The following SLC2A13 variants were observed in gnomAD, a reference collection of about 807,000 sequenced individuals.
SLC2A13 encodes the protein solute carrier family 2 member 13.
In SLC2A13, 32 loss-of-function variants were observed where a neutral mutation model predicts 64.4. That is an observed-to-expected ratio of 0.50 (90% confidence interval 0.37 to 0.67). SLC2A13 has a LOEUF of 0.67. SLC2A13 is among the 30% of genes least tolerant of loss of function. The pLI, the probability that SLC2A13 is intolerant of heterozygous loss-of-function variation, is 0.00. For synonymous variants in SLC2A13, 338 were observed against 327.1 expected, an observed-to-expected ratio of 1.03 and a Z score of -0.36; for missense variants, 743 against 829.2, an observed-to-expected ratio of 0.90 and a Z score of 1.28.
chr12:39,884,815 G>A (rs1028322016), intron 4 of SLC2A13, among the ~76,000 whole-genome samples: 1 of 152,136 alleles, frequency 6.6e-6, no homozygotes, highest in Non-Finnish European at 1.5e-5. Context: ...CATGTCCCAA[G>A]ATTGAAAACA....
rs1283150685 is a variant in SLC2A13, at chr12:39,760,973, C to CACACACACACACACACACACACACACAT, written c.1721-722_1721-721insATGTGTGTGTGTGTGTGTGTGTGTGTGT. Among the ~76,000 whole-genome samples, 47 of 151,326 alleles carry CACACACACACACACACACACACACACAT rather than the reference C, an allele frequency of 3.1e-4. 3 individuals carry two copies. In the South Asian group the frequency reaches 7.2e-3, roughly 23 times the overall value. On this transcript the variant is annotated intron_variant, in intron 9 of 9. Coordinates refer to ENST00000280871, the MANE Select transcript of SLC2A13 (RefSeq NM_052885.4). ...TACCAAACACACACACACACACACA[C>CACACACACACACACACACACACACACAT]ATAATTGAATTGCCAATTTGAATAT... is the stretch of plus-strand genomic sequence containing the variant.
Position 39,822,174 on chromosome 12 carries a change from G to T in SLC2A13, c.1445+7929C>A, listed in dbSNP as rs542422527. On this transcript the variant is annotated intron_variant, in intron 7 of 9. Coordinates refer to ENST00000280871, the MANE Select transcript of SLC2A13 (RefSeq NM_052885.4). ...TATGAGTGAGAATATGCGGTGTTTG[G>T]TTTTTTCTTCTTGCGATAGTTTACT... 2.0e-5 allele frequency among the ~76,000 whole-genome samples: 3 copies of T among 149,464 alleles called. No individual in the cohort carries two copies. In the East Asian group the frequency reaches 6.0e-4, roughly 30 times the overall value.
In SLC2A13 at chr12:40,094,969, C is replaced by T. The variant is rs908842653; in HGVS notation, c.556+10284G>A. On this transcript the variant is annotated intron_variant, in intron 1 of 9. Coordinates refer to ENST00000280871, the MANE Select transcript of SLC2A13 (RefSeq NM_052885.4). ...CCAGGCAGGAACAGCTGAGGAAACC[C>T]AAAAGAGAGGAGGGAGTGTGGAATG... 2.0e-5 allele frequency among the ~76,000 whole-genome samples: 3 copies of T among 152,122 alleles called. No individual in the cohort carries two copies. In the South Asian group the frequency reaches 6.2e-4, roughly 32 times the overall value.
intron 7 of SLC2A13, chr12:39,829,589 T>C (rs1405240342): frequency 6.3e-6 from 1 of 158,910 alleles, no homozygotes; most frequent in Admixed American, 6.0e-5. Context: ...AATTTTTGTA[T>C]TTTTGTAGAG....
intron 4 of SLC2A13, among the ~76,000 whole-genome samples, chr12:39,940,355 C>T (rs1945998333): frequency 6.6e-6 from 1 of 151,470 alleles, no homozygotes; most frequent in Non-Finnish European, 1.5e-5. Context: ...TTCTTCTCTA[C>T]ATTTATCACC....
intron 7 of SLC2A13, among the ~76,000 whole-genome samples, chr12:39,776,064 C>G (rs1372353132): frequency 6.6e-6 from 1 of 152,164 alleles, no homozygotes; most frequent in African/African-American, 2.4e-5. Context: ...AGTTTAGTGA[C>G]TCATAGACAG....
intron 4 of SLC2A13, among the ~76,000 whole-genome samples, chr12:39,877,566 CTA>C (rs1420981093): frequency 1.3e-5 from 2 of 152,116 alleles, no homozygotes; most frequent in Admixed American, 1.3e-4. Context: ...TAGGCAATAA[CTA>C]TATTCTCTTT....
intron 4 of SLC2A13, among the ~76,000 whole-genome samples, chr12:39,881,717 T>G (rs1354136093): frequency 6.6e-6 from 1 of 152,192 alleles, no homozygotes; most frequent in African/African-American, 2.4e-5. Context: ...ATCCAGAGGC[T>G]AGGCTGTTTT....
At chr12:39,910,749 T>C (rs938516130) in intron 4 of SLC2A13, among the ~76,000 whole-genome samples, 2 of 152,002 alleles carry the variant, frequency 1.3e-5, no homozygotes, top group Admixed American at 6.6e-5. Context: ...AATTAATTGG[T>C]TAGGCAAAGG....
chr12:40,028,846 T>C (rs1364264912), intron 2 of SLC2A13, among the ~76,000 whole-genome samples: 3 of 152,244 alleles, frequency 2.0e-5, no homozygotes, highest in African/African-American at 4.8e-5. Context: ...GGCTAACATA[T>C]GTAATTTTGT....
At chr12:40,034,698 G>T (rs1407081984) in intron 2 of SLC2A13, among the ~76,000 whole-genome samples, 2 of 152,034 alleles carry the variant, frequency 1.3e-5, no homozygotes, top group Admixed American at 6.6e-5. Flanking sequence ...CTTCAAGTTG[G>T]TATTCTTTCA....
intron 4 of SLC2A13, 95 bp from the exon 5 acceptor site, chr12:39,872,056 A>G (rs754025609): frequency 1.8e-4 from 199 of 1,095,514 alleles, no homozygotes; most frequent in Non-Finnish European, 2.4e-4. Context: ...TGAAAAAAAT[A>G]TAAGGAGAAC....
At chr12:40,046,071 C>T (rs1302080281) in intron 2 of SLC2A13, among the ~76,000 whole-genome samples, 4 of 152,314 alleles carry the variant, frequency 2.6e-5, no homozygotes, top group South Asian at 4.1e-4. Context: ...CATTTATTAT[C>T]TGCCATGTGC....
intron 3 of SLC2A13, among the ~76,000 whole-genome samples, chr12:39,970,105 G>A (rs1008898071): frequency 5.3e-5 from 8 of 152,170 alleles, no homozygotes; most frequent in African/African-American, 1.9e-4. Context: ...AGATCAGATG[G>A]TTGTAGATGT....
chr12:39,798,742 C>A (rs1340628917), intron 7 of SLC2A13, among the ~76,000 whole-genome samples: 2 of 152,080 alleles, frequency 1.3e-5, no homozygotes, highest in African/African-American at 4.8e-5. Context: ...TCTCATGACA[C>A]TTTTGGAAAC....
chr12:39,927,008 T>C (rs188970472), intron 4 of SLC2A13, among the ~76,000 whole-genome samples: 30 of 152,290 alleles, frequency 2.0e-4, no homozygotes, highest in Non-Finnish European at 4.1e-4. Context: ...GGACAATTGA[T>C]AAAGCAATCC....
intron 4 of SLC2A13, among the ~76,000 whole-genome samples, chr12:39,891,631 A>G (rs998806290): frequency 2.0e-5 from 3 of 152,158 alleles, no homozygotes; most frequent in African/African-American, 4.8e-5. Flanking sequence ...TCTGCAGCCT[A>G]TTACTGCTGA....
At position 40,052,127 on chromosome 12, in the gene SLC2A13, T is replaced by C. The variant is rs181895168; in HGVS notation, c.557-3917A>G. On this transcript the variant is annotated intron_variant, in intron 1 of 9. Coordinates refer to ENST00000280871, the MANE Select transcript of SLC2A13 (RefSeq NM_052885.4). ...GCATGATGGGCACTTTGTACAAAGA[T>C]AGGGAGGGAAAAAATGAAGTTTGAG... 1.4e-3 allele frequency among the ~76,000 whole-genome samples: 208 copies of C among 152,138 alleles called. 1 individual carries two copies. Among genetic ancestry groups the C allele is most frequent in the African/African-American group, 4.8e-3 (198 of 41,492 alleles).
In SLC2A13 at chr12:40,105,944, A is replaced by G; in HGVS notation, c.-136T>C. The G allele has an allele frequency of 1.8e-6, 2 of 1,104,922 alleles. No individual in the cohort carries two copies. Among genetic ancestry groups the G allele is most frequent in the Non-Finnish European group, 2.3e-6 (2 of 857,856 alleles). The allele number at this position is 1,104,922 out of a possible 1,614,324, so 68.4% of individuals were successfully genotyped here. A position where few individuals can be genotyped will look rare whatever the true frequency, so the allele number is the denominator to read the frequency against. On this transcript the variant is annotated 5_prime_UTR_variant, in exon 1 of 10. Coordinates refer to ENST00000280871, the MANE Select transcript of SLC2A13 (RefSeq NM_052885.4). This position sits in a 1 kb window ranked among gnomAD's most constrained non-coding sequence, Gnocchi z 4.2. ...CCTCCCGGCTTCCGCTCCGGCTGCC[A>G]CGGCAGCAGCCGCCGCCACGGCCGC...
Sources: allele counts gnomAD v4.1 joint callset (sites outside exome capture counted in the v4.1 genomes callset), GRCh38; gene constraint gnomAD v4.1.1; non-coding constraint Gnocchi (gnomAD v3.1); transcripts MANE v1.5; gene names NCBI Gene and HGNC (gene_info 2026-07-23, HGNC 2026-07-21).